APOO: variants seen among roughly 807,000 people sequenced by gnomAD.
APOO encodes the protein MICOS complex subunit MIC26.
APOO carries 11 observed loss-of-function variants against 23.1 expected under a neutral mutation model. The ratio of observed to expected loss-of-function variants is 0.48; its 90% CI spans 0.30 to 0.79. APOO has a LOEUF of 0.79. Among genes scored for constraint, APOO ranks in the 30% least tolerant of loss-of-function variants. The pLI, the probability that APOO is intolerant of heterozygous loss-of-function variation, is 0.07. For synonymous variants in APOO, 59 were observed against 54.8 expected, an observed-to-expected ratio of 1.08 and a Z score of -0.34; for missense variants, 160 against 142.7, an observed-to-expected ratio of 1.12 and a Z score of -0.62.
intron 7 of APOO, 52 bp downstream of exon 7, chrX:23,856,250 A>C: frequency 1.8e-6 from 2 of 1,098,618 alleles, no homozygotes; most frequent in Non-Finnish European, 2.5e-6. Context: ...AAAACCCTAG[A>C]GAAACCACAT....
At position 23,856,401 on chromosome X, in the gene APOO, A is replaced by G; in HGVS notation, c.481-19T>C. ...CACTGACCTTAAAACAAAATAGAAA[A>G]GATCTTACCATCTGACCCAGCAATC... On this transcript the variant is annotated intron_variant, in intron 6 of 8. Coordinates refer to ENST00000379226, the MANE Select transcript of APOO (RefSeq NM_024122.5). The G allele has an allele frequency of 8.8e-7, 1 of 1,135,943 alleles. No individual in the cohort carries two copies. 93.6% of individuals were successfully genotyped at this position (1,135,943 alleles called of 1,213,427 possible).
intron 8 of APOO, among the ~76,000 whole-genome samples, 167 bp from the exon 9 acceptor site, chrX:23,833,779 C>T (rs920367716): frequency 7.2e-5 from 8 of 110,894 alleles, no homozygotes; most frequent in African/African-American, 2.6e-4. Flanking sequence ...GTCAGAAGTT[C>T]GAGACCAGCC....
chrX:23,870,482 A>G (rs1003704558), intron 4 of APOO, among the ~76,000 whole-genome samples: 1 of 111,860 alleles, frequency 8.9e-6, no homozygotes, highest in Non-Finnish European at 1.9e-5. Context: ...TGTTCATTCA[A>G]TAGATATTTA....
intron 1 of APOO, chrX:23,884,051 C>T (rs1212324205): frequency 9.0e-6 from 1 of 110,735 alleles, no homozygotes; most frequent in African/African-American, 3.3e-5. Flanking sequence ...GTAGGGAGTT[C>T]GAGTTTTGTG....
chrX:23,865,262 T>G (rs1352710755), intron 5 of APOO, among the ~76,000 whole-genome samples: 2 of 110,991 alleles, frequency 1.8e-5, no homozygotes, highest in Non-Finnish European at 3.8e-5. Context: ...ACCACAGTTG[T>G]GGCAATCCTC....
At chrX:23,878,853 C>G (rs1200676385) in intron 3 of APOO, 62 bp downstream of exon 3, 8 of 1,151,513 alleles carry the variant, frequency 6.9e-6, no homozygotes, top group Non-Finnish European at 7.0e-6. Flanking sequence ...GCAGCCAATA[C>G]AGACTTTCCT....
intron 1 of APOO, among the ~76,000 whole-genome samples, chrX:23,903,063 G>A (rs760961611): frequency 2.7e-5 from 3 of 112,007 alleles, no homozygotes; most frequent in African/African-American, 9.7e-5. Flanking sequence ...GAAAACTATA[G>A]AACTAGTTAA....
intron 6 of APOO, 133 bp downstream of exon 6, chrX:23,858,509 G>A: frequency 4.1e-6 from 2 of 490,073 alleles, no homozygotes; most frequent in South Asian, 5.0e-5. Flanking sequence ...TAAATTTTCT[G>A]TATTCATCTA....
At chrX:23,900,674 C>CAAA (rs967658475) in intron 1 of APOO, among the ~76,000 whole-genome samples, 6 of 24,748 alleles carry the variant, frequency 2.4e-4, no homozygotes, top group East Asian at 1.2e-3. Flanking sequence ...GACTCCGGCT[C>CAAA]AAAAAAAAAA....
chrX:23,850,717 C>T (rs192194405), intron 7 of APOO, among the ~76,000 whole-genome samples: 1 of 111,678 alleles, frequency 9.0e-6, no homozygotes. Context: ...GTCCTAGCTA[C>T]TCTGGAGGCT....
chrX:23,897,829 A>G (rs1327329331), intron 1 of APOO, among the ~76,000 whole-genome samples: 1 of 108,540 alleles, frequency 9.2e-6, no homozygotes, highest in Non-Finnish European at 1.9e-5. Flanking sequence ...CCCCCTCTCT[A>G]CAAAAAATAC....
At chrX:23,853,292 A>T (rs1488260508) in intron 7 of APOO, among the ~76,000 whole-genome samples, 1 of 109,080 alleles carries the variant, frequency 9.2e-6, no homozygotes, top group Non-Finnish European at 1.9e-5. Context: ...ATAAAAAACA[A>T]AAATCCCCCT....
At chrX:23,855,631 A>G (rs1373314517) in intron 7 of APOO, among the ~76,000 whole-genome samples, 1 of 111,495 alleles carries the variant, frequency 9.0e-6, no homozygotes, top group Admixed American at 9.7e-5. Flanking sequence ...CTTATTCTCT[A>G]CTCATTCTTC....
intron 1 of APOO, 38 bp downstream of exon 1, chrX:23,907,656 G>C (rs1927429441): frequency 8.7e-7 from 1 of 1,149,394 alleles, no homozygotes; most frequent in Non-Finnish European, 1.2e-6. Context: ...CGGCCGGGAG[G>C]GGGCGGTGAC....
intron 1 of APOO, among the ~76,000 whole-genome samples, chrX:23,905,705 T>C (rs181846516): frequency 8.9e-6 from 1 of 112,367 alleles, no homozygotes; most frequent in African/African-American, 3.2e-5. Context: ...CCCAACTATA[T>C]TGAAATAATC....
At chrX:23,861,960 C>T (rs192411294) in intron 5 of APOO, among the ~76,000 whole-genome samples, 1 of 109,752 alleles carries the variant, frequency 9.1e-6, no homozygotes, top group Non-Finnish European at 1.9e-5. Context: ...CCCTCCACCA[C>T]ACCCGGCTAT....
chrX:23,846,432 G>A (rs1039806356), intron 7 of APOO, among the ~76,000 whole-genome samples: 1 of 108,954 alleles, frequency 9.2e-6, no homozygotes. Flanking sequence ...GACCAGCCTG[G>A]CCAAGATGGT....
chrX:23,886,379 A>AT (rs1163880778), intron 1 of APOO, among the ~76,000 whole-genome samples: 1 of 111,825 alleles, frequency 8.9e-6, no homozygotes, highest in Non-Finnish European at 1.9e-5. Flanking sequence ...AACAATCTTG[A>AT]TTGGGGTATG....
intron 7 of APOO, among the ~76,000 whole-genome samples, chrX:23,844,464 A>G (rs1924142666): frequency 9.0e-6 from 1 of 111,338 alleles, no homozygotes; most frequent in South Asian, 3.8e-4. Flanking sequence ...TGATTCAAGC[A>G]TAAGAGTGCC....
Sources: allele counts gnomAD v4.1 joint callset (sites outside exome capture counted in the v4.1 genomes callset), GRCh38; gene constraint gnomAD v4.1.1; transcripts MANE v1.5; gene names NCBI Gene and HGNC (gene_info 2026-07-23, HGNC 2026-07-21).